NTPCR: variants seen among roughly 807,000 people sequenced by gnomAD.
The protein encoded by NTPCR is cancer-related nucleoside-triphosphatase.
In NTPCR, 15 loss-of-function variants were observed where a neutral mutation model predicts 19.5. The observed-to-expected ratio is 0.77, with a 90% CI of 0.51 to 1.18. NTPCR has a LOEUF of 1.18. Ranked by LOEUF, NTPCR falls within the 50% of genes most tolerant of loss-of-function variation. NTPCR has a pLI of 0.00. For missense variants in NTPCR, 206 were observed against 240.4 expected (o/e 0.86, Z 0.95); for synonymous variants, 90 against 95.8 (o/e 0.94, Z 0.36).
intron 1 of NTPCR, among the ~76,000 whole-genome samples, chr1:232,954,010 AT>A (rs911484912): frequency 9.9e-5 from 15 of 152,152 alleles, no homozygotes; most frequent in African/African-American, 3.6e-4. Context: ...ACACATTTGT[AT>A]TGTTGATGTT....
Position 232,978,260 on chromosome 1 carries a change from G to A in NTPCR, c.*29G>A. 1 of 1,601,618 alleles carries A rather than the reference G, an allele frequency of 6.2e-7. No individual in the cohort carries two copies. The highest frequency in any genetic ancestry group is 1.7e-5 in the Admixed American group (1 of 59,866). On this transcript the variant is annotated 3_prime_UTR_variant, in exon 5 of 5. Transcript: ENST00000366628. Reference sequence around the variant, plus strand: ...CACGTGCATTCCTGCCTTCCGTGAAGGAGTGCCCAGTTCAAGAGGAGCCTG... The same window carrying A: ...CACGTGCATTCCTGCCTTCCGTGAAAGAGTGCCCAGTTCAAGAGGAGCCTG...
rs760800808 is a variant in NTPCR at position 232,955,545 on chromosome 1, T to A, written c.35-12T>A. On this transcript the variant is annotated splice_polypyrimidine_tract_variant and intron_variant, in intron 1 of 4. Coordinates refer to ENST00000366628, the MANE Select transcript of NTPCR (RefSeq NM_032324.3). ...GGCTTTTCTTCTTTTTTTTTTTTTT[T>A]TTTTATTTTAGGAGTTGGAAAAACA... 27 of 1,495,102 alleles carry A rather than the reference T, an allele frequency of 1.8e-5. No homozygotes were observed. In the African/African-American group the frequency reaches 2.3e-4, roughly 13 times the overall value. The allele number at this position is 1,495,102 out of a possible 1,614,324, so 92.6% of individuals were successfully genotyped here. A position where few individuals can be genotyped will look rare whatever the true frequency, so the allele number is the denominator to read the frequency against.
intron 3 of NTPCR, among the ~76,000 whole-genome samples, chr1:232,959,941 C>T (rs1043362713): frequency 2.0e-5 from 3 of 151,950 alleles, no homozygotes; most frequent in Admixed American, 6.6e-5. Context: ...CTGGTTGCAG[C>T]GGCTCATGTC....
At chr1:232,950,875 G>A (rs1007799029) in intron 1 of NTPCR, 131 bp downstream of exon 1, 1 of 616,184 alleles carries the variant, frequency 1.6e-6, no homozygotes, top group African/African-American at 1.9e-5. Flanking sequence ...AATTTAAATG[G>A]CGGGCTTGGT....
At position 232,969,927 on chromosome 1, in the gene NTPCR, C is replaced by A; in HGVS notation, c.313C>A (p.Pro105Thr). Residue 105 changes from proline to threonine, a missense_variant, in exon 4 of 5, where the codon CCA becomes ACA. Physicochemically the swap from Pro to Thr is conservative, Grantham distance 38. Transcript: ENST00000366628. ...VLRNADCSSGPGQRVCVIDEI... is the reference protein window; with the variant it reads ...VLRNADCSSGTGQRVCVIDEI... ...TTCTCAGGCCGACTGCAGCAGTGGC[C>A]CAGGGCAAAGAGTGTGCGTCATCGA... 1.2e-6 allele frequency: 2 copies of A among 1,614,058 alleles called. No homozygotes were observed. Among genetic ancestry groups the A allele is most frequent in the South Asian group, 2.2e-5 (2 of 91,040 alleles).
rs886101675 is a variant in NTPCR, at chr1:232,953,863, T to A, written c.35-1694T>A. On this transcript the variant is annotated intron_variant, in intron 1 of 4. Transcript: ENST00000366628. ...TACATATAAGCAGTATATTTTTTAA[T>A]GGTTGCATGGTATTTCTGTGTATTT... 3.3e-5 allele frequency among the ~76,000 whole-genome samples: 5 copies of A among 152,372 alleles called. 1 individual carries two copies. The highest frequency in any genetic ancestry group is 6.8e-3 in the Middle Eastern group (2 of 294).
intron 4 of NTPCR, chr1:232,976,628 G>A: frequency 7.1e-7 from 1 of 1,417,234 alleles, no homozygotes; most frequent in Non-Finnish European, 9.2e-7. Context: ...AAAGCTGACT[G>A]TCCTCATTTC....
intron 3 of NTPCR, chr1:232,968,635 TC>T (rs1437185845): frequency 6.6e-6 from 1 of 152,224 alleles, no homozygotes; most frequent in Non-Finnish European, 1.5e-5. Flanking sequence ...TTGCCACTGA[TC>T]CCTACCACCA....
At chr1:232,963,716 A>G (rs1344450736) in intron 3 of NTPCR, 1 of 152,068 alleles carries the variant, frequency 6.6e-6, no homozygotes, top group Admixed American at 6.6e-5. Context: ...CTTCATTTGG[A>G]TAAAATTTTA....
chr1:232,970,215 T>G (rs1408853107), intron 4 of NTPCR, 97 bp downstream of exon 4: 1 of 994,182 alleles, frequency 1.0e-6, no homozygotes, highest in Admixed American at 2.2e-5. Context: ...GAGTTAACAT[T>G]TTTTCCCTTC....
intron 4 of NTPCR, chr1:232,977,258 C>A (rs962064842): frequency 2.6e-5 from 4 of 152,920 alleles, no homozygotes; most frequent in African/African-American, 7.2e-5. Context: ...GCCTGCCCCC[C>A]AGACTCCTTC....
chr1:232,969,772 A>T, intron 3 of NTPCR, 137 bp from the exon 4 acceptor site: 1 of 673,662 alleles, frequency 1.5e-6, no homozygotes, highest in Non-Finnish European at 2.6e-6. Context: ...GGTCTGTGGG[A>T]TGCTGTCACT....
At chr1:232,962,810 A>G (rs776705546) in intron 3 of NTPCR, 3 of 152,186 alleles carry the variant, frequency 2.0e-5, no homozygotes, top group South Asian at 2.1e-4. Context: ...TGAGAGCAGG[A>G]TCTACTTTTG....
At chr1:232,968,158 C>T (rs1402879412) in intron 3 of NTPCR, 1 of 152,086 alleles carries the variant, frequency 6.6e-6, no homozygotes, top group South Asian at 2.1e-4. Context: ...TGTACCTGCC[C>T]TAAGTGGGGA....
intron 3 of NTPCR, chr1:232,969,495 A>T (rs990751028): frequency 5.5e-6 from 1 of 182,382 alleles, no homozygotes; most frequent in Non-Finnish European, 1.2e-5. Context: ...ATGTTTGTGT[A>T]TTTCATGATC....
Position 232,970,088 on chromosome 1 carries a change from C to A in NTPCR, c.474C>A (p.Ile158=). The A allele has an allele frequency of 6.2e-7, 1 of 1,613,956 alleles. No homozygotes were observed. Among genetic ancestry groups the A allele is most frequent in the East Asian group, 2.2e-5 (1 of 44,886 alleles). ...KGKPLALVEE[I]RNRKDVKVFN... ...AGCCACTGGCTCTTGTAGAAGAAATCAGAAACAGAAAGGATGTGAAGGTGT... is the reference window on the plus strand; with the variant it reads ...AGCCACTGGCTCTTGTAGAAGAAATAAGAAACAGAAAGGATGTGAAGGTGT... Residue 158 remains isoleucine (I), a synonymous_variant, in exon 4 of 5, where the codon ATC becomes ATA. Coordinates refer to ENST00000366628, the MANE Select transcript of NTPCR (RefSeq NM_032324.3).
At chr1:232,976,491 G>A in intron 4 of NTPCR, 1 of 1,543,940 alleles carries the variant, frequency 6.5e-7, no homozygotes, top group African/African-American at 1.4e-5. Flanking sequence ...CCACCTCTGT[G>A]TCGCCTCCTT....
chr1:232,976,404 C>T, intron 4 of NTPCR: 2 of 1,550,614 alleles, frequency 1.3e-6, no homozygotes, highest in Non-Finnish European at 8.7e-7. Context: ...AGTCCACTCT[C>T]ACAGAGCCTG....
At chr1:232,953,754 AC>A (rs1409220123) in intron 1 of NTPCR, among the ~76,000 whole-genome samples, 5 of 152,210 alleles carry the variant, frequency 3.3e-5, no homozygotes, top group Admixed American at 3.3e-4. Flanking sequence ...TTTAAAAAAA[AC>A]ATAATGGAAT....
Sources: allele counts gnomAD v4.1 joint callset (sites outside exome capture counted in the v4.1 genomes callset), GRCh38; gene constraint gnomAD v4.1.1; transcripts MANE v1.5; gene names NCBI Gene and HGNC (gene_info 2026-07-23, HGNC 2026-07-21).